NXPE4: variants seen among roughly 807,000 people sequenced by gnomAD.
The protein encoded by NXPE4 is NXPE family member 4.
NXPE4 carries 42 observed loss-of-function variants against 33.3 expected under a neutral mutation model. The ratio of observed to expected loss-of-function variants is 1.26; its 90% CI spans 0.98 to 1.63. The LOEUF is 1.63. NXPE4 is among the 40% of genes most tolerant of loss of function. The pLI, the probability that NXPE4 is intolerant of heterozygous loss-of-function variation, is 0.00. For missense variants in NXPE4, 709 were observed against 647.6 expected (o/e 1.09, Z -1.03); for synonymous variants, 253 against 234.9 (o/e 1.08, Z -0.71).
intron 5 of NXPE4, among the ~76,000 whole-genome samples, chr11:114,574,506 A>T (rs962941655): frequency 6.6e-6 from 1 of 152,106 alleles, no homozygotes; most frequent in Non-Finnish European, 1.5e-5. Context: ...AATTAGAAAT[A>T]AAACAGGAGA....
At chr11:114,583,774 C>T (rs1408107091) in intron 2 of NXPE4, 8 of 458,094 alleles carry the variant, frequency 1.7e-5, no homozygotes, top group East Asian at 1.1e-4. Context: ...TGTATGTTGA[C>T]GTTGATATTC....
chr11:114,626,364 G>A, the NXPE4 span, among the ~76,000 whole-genome samples: 1 of 152,204 alleles, frequency 6.6e-6, no homozygotes, highest in Non-Finnish European at 1.5e-5. Flanking sequence ...GTGGGTCCCT[G>A]ACCCCTGACC....
At chr11:114,641,207 G>A in the NXPE4 span, among the ~76,000 whole-genome samples, 1 of 151,920 alleles carries the variant, frequency 6.6e-6, no homozygotes, top group African/African-American at 2.4e-5. Flanking sequence ...AAGGAATATA[G>A]AGTTGAGAAA....
upstream of NXPE4, among the ~76,000 whole-genome samples, chr11:114,596,694 A>C (rs1004035372): frequency 6.6e-6 from 1 of 152,216 alleles, no homozygotes; most frequent in East Asian, 1.9e-4. Flanking sequence ...AGGAGCCTAT[A>C]ATAAGAAAAA....
chr11:114,581,843 C>G, intron 3 of NXPE4, 57 bp from the exon 4 acceptor site: 1 of 1,176,694 alleles, frequency 8.5e-7, no homozygotes, highest in Non-Finnish European at 1.3e-6. Flanking sequence ...AGGAAACATA[C>G]AGAAACTAGA....
the NXPE4 span, among the ~76,000 whole-genome samples, chr11:114,620,137 A>T: frequency 6.6e-6 from 1 of 151,852 alleles, no homozygotes; most frequent in Non-Finnish European, 1.5e-5. Flanking sequence ...CTCGTGGGAA[A>T]CCACTGTTAA....
At chr11:114,671,838 G>A in the NXPE4 span, among the ~76,000 whole-genome samples, 5 of 151,990 alleles carry the variant, frequency 3.3e-5, no homozygotes, top group Non-Finnish European at 7.4e-5. Flanking sequence ...ACAGTAATTT[G>A]AATACACAAA....
the NXPE4 span, among the ~76,000 whole-genome samples, chr11:114,677,343 A>C: frequency 2.0e-5 from 3 of 152,132 alleles, no homozygotes; most frequent in Admixed American, 6.6e-5. Flanking sequence ...TGTAGTAATC[A>C]CTTCACAATG....
the NXPE4 span, among the ~76,000 whole-genome samples, chr11:114,663,744 CAAT>C: frequency 6.6e-6 from 1 of 151,012 alleles, no homozygotes; most frequent in African/African-American, 2.4e-5. Flanking sequence ...TTGGCGAACT[CAAT>C]AATAATAAGC....
At chr11:114,616,192 T>A in the NXPE4 span, among the ~76,000 whole-genome samples, 1 of 151,304 alleles carries the variant, frequency 6.6e-6, no homozygotes, top group Non-Finnish European at 1.5e-5. Flanking sequence ...TAATGTCTCA[T>A]GAGTAACTGC....
chr11:114,575,831 A>G (rs1054137379), intron 5 of NXPE4, among the ~76,000 whole-genome samples: 26 of 152,338 alleles, frequency 1.7e-4, no homozygotes, highest in African/African-American at 5.5e-4. Flanking sequence ...ATCATTCTTC[A>G]CAGAACTAGA....
chr11:114,624,256 G>A, the NXPE4 span, among the ~76,000 whole-genome samples: 1 of 151,888 alleles, frequency 6.6e-6, no homozygotes, highest in African/African-American at 2.4e-5. Flanking sequence ...CTGTGACCCG[G>A]TGGATAATAA....
the NXPE4 span, among the ~76,000 whole-genome samples, chr11:114,602,304 T>C: frequency 8.6e-6 from 1 of 115,928 alleles, no homozygotes; most frequent in African/African-American, 3.2e-5. Flanking sequence ...TAACATATAC[T>C]ATATATAATA....
At chr11:114,626,461 C>T in the NXPE4 span, among the ~76,000 whole-genome samples, 11 of 152,174 alleles carry the variant, frequency 7.2e-5, no homozygotes, top group South Asian at 2.1e-4. Flanking sequence ...CTGCAGCTGA[C>T]GGTCCTGTCT....
intron 4 of NXPE4, among the ~76,000 whole-genome samples, chr11:114,581,364 A>C (rs1949141665): frequency 6.6e-6 from 1 of 152,126 alleles, no homozygotes; most frequent in Admixed American, 6.6e-5. Flanking sequence ...GTGATGGGCT[A>C]GTGGTGATAT....
chr11:114,678,205 C>T, the NXPE4 span, among the ~76,000 whole-genome samples: 1 of 152,076 alleles, frequency 6.6e-6, no homozygotes, highest in Non-Finnish European at 1.5e-5. Flanking sequence ...ACTTTTCCTG[C>T]TACTGTGGAG....
At chr11:114,631,556 G>T in the NXPE4 span, among the ~76,000 whole-genome samples, 1 of 151,310 alleles carries the variant, frequency 6.6e-6, no homozygotes, top group African/African-American at 2.4e-5. Flanking sequence ...ATAGCACTGG[G>T]AGATATACCT....
chr11:114,613,984 T>G, the NXPE4 span, among the ~76,000 whole-genome samples: 1 of 150,894 alleles, frequency 6.6e-6, no homozygotes, highest in East Asian at 2.0e-4. Flanking sequence ...GTATTGCCTC[T>G]AGGGTTACCA....
the NXPE4 span, among the ~76,000 whole-genome samples, chr11:114,624,713 C>T: frequency 6.6e-6 from 1 of 152,026 alleles, no homozygotes; most frequent in African/African-American, 2.4e-5. Context: ...CCACTGTCTC[C>T]TGGTGGATAA....
Sources: gnomAD v4.1 joint callset for allele counts (sites outside exome capture counted in the v4.1 genomes callset) on GRCh38, gnomAD v4.1.1 for gene constraint, MANE v1.5 for transcripts, NCBI Gene and HGNC (gene_info 2026-07-23, HGNC 2026-07-21) for gene names.